NFIB: variants seen among roughly 807,000 people sequenced by gnomAD.
The protein encoded by NFIB is nuclear factor 1 B-type.
In NFIB, 11 loss-of-function variants were observed where a neutral mutation model predicts 61.5. The observed-to-expected ratio is 0.18, with a 90% CI of 0.11 to 0.30. The LOEUF is 0.30. Ranked by LOEUF, NFIB falls within the 10% of genes least tolerant of loss-of-function variation. The pLI is 1.00. For synonymous variants in NFIB, 260 were observed against 216.5 expected (o/e 1.20, Z -1.76); for missense variants, 471 against 608.9 (o/e 0.77, Z 2.38).
At position 14,313,558 on chromosome 9, in the gene NFIB, T is replaced by A. The variant is rs1409505352; in HGVS notation, c.-47A>T. 6.2e-7 allele frequency: 1 copy of A among 1,612,962 alleles called. No homozygotes were observed. The highest frequency in any genetic ancestry group is 1.7e-5 in the Admixed American group (1 of 59,854). On this transcript the variant is annotated 5_prime_UTR_variant, in exon 1 of 11. Transcript: ENST00000380953. This position sits in a 1 kb window ranked among gnomAD's most constrained non-coding sequence, Gnocchi z 4.5. ...TTCCGGGAGATGCCCAAGAAAATCT[T>A]CGAGAAGCAAGAATTTCATCTATTC...
chr9:14,085,785 C>T lies in NFIB; in HGVS notation c.*2524G>A, dbSNP rs76720830. 6.8e-3 allele frequency: 1,496 copies of T among 219,776 alleles called. 31 individuals carry two copies. Among genetic ancestry groups the T allele is most frequent in the African/African-American group, 0.032 (1,408 of 44,668 alleles). 13.6% of individuals were successfully genotyped at this position (219,776 alleles called of 1,614,324 possible). On this transcript the variant is annotated 3_prime_UTR_variant, in exon 11 of 11. Coordinates refer to ENST00000380953, the MANE Select transcript of NFIB (RefSeq NM_001190737.2). ...TATCATTAATGAAATGAAATGGGGA[C>T]GAAAAGTGGCAGAAAAGGAATACGG... is the stretch of plus-strand genomic sequence containing the variant.
chr9:14,094,978 C>A (rs2034554123), intron 10 of NFIB, among the ~76,000 whole-genome samples: 1 of 151,948 alleles, frequency 6.6e-6, no homozygotes. Flanking sequence ...ATAGCATCTA[C>A]CATTGAAATA....
intron 3 of NFIB, among the ~76,000 whole-genome samples, chr9:14,178,434 T>C (rs1033066799): frequency 2.2e-4 from 34 of 152,240 alleles, no homozygotes; most frequent in African/African-American, 8.2e-4. Flanking sequence ...CTGTTTTTAA[T>C]GTTTTGCTCT....
At chr9:14,481,272 G>C in the NFIB span, among the ~76,000 whole-genome samples, 1 of 132,250 alleles carries the variant, frequency 7.6e-6, no homozygotes, top group Non-Finnish European at 1.6e-5. Context: ...GGTAACTCAA[G>C]GTGTGTTTTG....
At chr9:14,339,794 T>G (rs969935519) in intron 1 of NFIB, among the ~76,000 whole-genome samples, 4 of 152,190 alleles carry the variant, frequency 2.6e-5, no homozygotes, top group African/African-American at 9.7e-5. Context: ...GGGAGAGAAT[T>G]AAGGGAGCCC....
chr9:14,458,282 T>A, the NFIB span, among the ~76,000 whole-genome samples: 1 of 152,292 alleles, frequency 6.6e-6, no homozygotes, highest in Admixed American at 6.5e-5. Context: ...ATTATCTCAA[T>A]AGATGCAGAA....
intron 3 of NFIB, among the ~76,000 whole-genome samples, chr9:14,164,911 C>G (rs1450798050): frequency 6.6e-6 from 1 of 152,104 alleles, no homozygotes; most frequent in East Asian, 1.9e-4. Flanking sequence ...TTCAAATGTA[C>G]AGCAAAGTTT....
intron 1 of NFIB, among the ~76,000 whole-genome samples, chr9:14,363,162 G>C (rs947929535): frequency 7.2e-5 from 11 of 152,134 alleles, no homozygotes; most frequent in African/African-American, 2.7e-4. Context: ...CAATAAAATT[G>C]TAAAAATTAA....
the NFIB span, among the ~76,000 whole-genome samples, chr9:14,432,345 G>A: frequency 0.19 from 28,425 of 152,128 alleles, 3,022 homozygotes; most frequent in African/African-American, 0.28. Flanking sequence ...AGTTGGTTCT[G>A]GTCATCTTTT....
At chr9:14,235,699 T>C (rs148897813) in intron 2 of NFIB, among the ~76,000 whole-genome samples, 2 of 152,212 alleles carry the variant, frequency 1.3e-5, no homozygotes, top group Non-Finnish European at 2.9e-5. Flanking sequence ...AGGTGCTAAA[T>C]CACCTTCAAA....
chr9:14,458,871 T>A, the NFIB span, among the ~76,000 whole-genome samples: 2 of 151,366 alleles, frequency 1.3e-5, no homozygotes, highest in African/African-American at 4.8e-5. Flanking sequence ...TAAAAGAGGA[T>A]ACAAACAAAT....
At chr9:14,103,934 T>C (rs2118876488) in intron 10 of NFIB, among the ~76,000 whole-genome samples, 1 of 152,220 alleles carries the variant, frequency 6.6e-6, no homozygotes, top group Non-Finnish European at 1.5e-5. Flanking sequence ...CTTTTTTTTT[T>C]TTTGAGACAG....
intron 6 of NFIB, among the ~76,000 whole-genome samples, chr9:14,133,550 G>C (rs1244990989): frequency 1.3e-5 from 2 of 152,194 alleles, no homozygotes; most frequent in Non-Finnish European, 2.9e-5. Flanking sequence ...TCCAGAGTCA[G>C]TCCTGAGACA....
At chr9:14,507,440 A>G in the NFIB span, among the ~76,000 whole-genome samples, 6 of 152,244 alleles carry the variant, frequency 3.9e-5, no homozygotes, top group African/African-American at 1.4e-4. Context: ...TGTAAAGTTA[A>G]GCTTTCATTA....
At chr9:14,182,626 A>G (rs1437028364) in intron 2 of NFIB, among the ~76,000 whole-genome samples, 1 of 145,218 alleles carries the variant, frequency 6.9e-6, no homozygotes, top group Admixed American at 7.1e-5. Flanking sequence ...AGGTCAAATT[A>G]CTCTATACCC....
chr9:14,179,631 A>G (rs1389320207), intron 3 of NFIB, 96 bp downstream of exon 3: 1 of 1,352,784 alleles, frequency 7.4e-7, no homozygotes, highest in African/African-American at 1.4e-5. Flanking sequence ...CCAGAACAAA[A>G]TAGGCAGCTG....
intron 1 of NFIB, among the ~76,000 whole-genome samples, chr9:14,326,395 C>T (rs141638352): frequency 6.6e-6 from 1 of 152,316 alleles, no homozygotes; most frequent in Non-Finnish European, 1.5e-5. Context: ...CCAGGACAGG[C>T]ACACTGGGTC....
chr9:14,351,154 T>C (rs1357848205), intron 1 of NFIB, among the ~76,000 whole-genome samples: 2 of 152,220 alleles, frequency 1.3e-5, no homozygotes, highest in African/African-American at 4.8e-5. Flanking sequence ...AGGATCATGT[T>C]TGGGCATCTG....
In NFIB at chr9:14,333,651, G is replaced by T. The variant is rs113640815; in HGVS notation, c.109-26131C>A. ...AAAGTAAGACCTAAGTGACTGCCTT[G>T]TCTCTCTTCCTGTGCTTTCGAAAAA... On this transcript the variant is annotated intron_variant, in intron 1 of 8. Transcript: ENST00000380934. Among the ~76,000 whole-genome samples, 891 of 152,234 alleles carry T rather than the reference G, an allele frequency of 5.9e-3. 11 individuals carry two copies. Among genetic ancestry groups the T allele is most frequent in the African/African-American group, 0.02 (848 of 41,536 alleles).
Sources: allele counts gnomAD v4.1 joint callset (sites outside exome capture counted in the v4.1 genomes callset), GRCh38; gene constraint gnomAD v4.1.1; non-coding constraint Gnocchi (gnomAD v3.1); transcripts MANE v1.5; gene names NCBI Gene and HGNC (gene_info 2026-07-23, HGNC 2026-07-21).